The following SAMD5 variants were observed in gnomAD, a reference collection of about 807,000 sequenced individuals.
The protein encoded by SAMD5 is sterile alpha motif domain-containing protein 5.
Under a neutral mutation model 11.3 loss-of-function variants are expected in SAMD5, and 13 were observed. The observed-to-expected ratio is 1.15, with a 90% CI of 0.75 to 1.83. SAMD5 has a LOEUF of 1.83. Ranked by LOEUF, SAMD5 falls within the 40% of genes most tolerant of loss-of-function variation. The pLI is 0.00. For missense variants in SAMD5, 255 were observed against 239.1 expected, an observed-to-expected ratio of 1.07 and a Z score of -0.44; for synonymous variants, 129 against 111.3, an observed-to-expected ratio of 1.16 and a Z score of -1.00.
chr6:147,722,093 G>A (rs1245382967), intron 1 of SAMD5, among the ~76,000 whole-genome samples: 1 of 152,104 alleles, frequency 6.6e-6, no homozygotes, highest in African/African-American at 2.4e-5. Flanking sequence ...TTACAACATT[G>A]TGTCTTGGGA....
At position 147,564,699 on chromosome 6, in the gene SAMD5, G is replaced by A. The variant is rs1789009073; in HGVS notation, c.*243G>A. ...AGAAGTATTGAGTTCATTTTTTTAA[G>A]AAGATATCATGATGAGATACAGTCT... On this transcript the variant is annotated 3_prime_UTR_variant, in exon 2 of 2. Coordinates refer to ENST00000367474, the MANE Select transcript of SAMD5 (RefSeq NM_001030060.3). 1.6e-6 allele frequency: 2 copies of A among 1,219,106 alleles called. No individual in the cohort carries two copies. Among genetic ancestry groups the A allele is most frequent in the South Asian group, 4.4e-5 (2 of 45,838 alleles). 75.5% of individuals were successfully genotyped at this position (1,219,106 alleles called of 1,614,324 possible).
chr6:147,733,643 T>C (rs1476181225), intron 1 of SAMD5: 9 of 183,264 alleles, frequency 4.9e-5, no homozygotes, highest in Non-Finnish European at 9.3e-5. Context: ...ATAACCATTA[T>C]AATTACTTTA....
chr6:147,877,885 A>ACACACACACACAC, the SAMD5 span, among the ~76,000 whole-genome samples: 1 of 44,358 alleles, frequency 2.3e-5, no homozygotes, highest in African/African-American at 6.1e-5. Flanking sequence ...CACACACGAT[A>ACACACACACACAC]GATAGATAGC....
At chr6:147,774,717 AT>A in the SAMD5 span, among the ~76,000 whole-genome samples, 1 of 151,830 alleles carries the variant, frequency 6.6e-6, no homozygotes, top group East Asian at 1.9e-4. Context: ...TTATATTGTT[AT>A]TTTTTATAGA....
chr6:147,545,863 C>A (rs147699989), intron 1 of SAMD5, among the ~76,000 whole-genome samples: 459 of 152,152 alleles, frequency 3.0e-3, no homozygotes, highest in Non-Finnish European at 5.1e-3. Context: ...ATAGGAATTT[C>A]TTGTAACATT....
chr6:147,642,560 G>A (rs999540456), intron 1 of SAMD5, among the ~76,000 whole-genome samples: 1 of 152,164 alleles, frequency 6.6e-6, no homozygotes, highest in African/African-American at 2.4e-5. Context: ...CTGCGAGTTC[G>A]TCATCTCTGG....
Position 147,567,140 on chromosome 6 carries a change from A to C in SAMD5, c.*2684A>C. On this transcript the variant is annotated 3_prime_UTR_variant, in exon 2 of 2. Transcript: ENST00000367474. ...AGTTCATCTTAAAATTTAGGGAGGT[A>C]AAAAAAGATTTTATTCACATAAAAG... The C allele has an allele frequency of 1.0e-6, 1 of 983,822 alleles. No homozygotes were observed. The highest frequency in any genetic ancestry group is 1.2e-6 in the Non-Finnish European group (1 of 828,464). 60.9% of individuals were successfully genotyped at this position (983,822 alleles called of 1,614,324 possible).
the SAMD5 span, among the ~76,000 whole-genome samples, chr6:147,761,332 T>C: frequency 1.8e-4 from 28 of 152,186 alleles, no homozygotes; most frequent in Non-Finnish European, 2.9e-5. Flanking sequence ...TGAATGGTAA[T>C]TGTCATTATT....
chr6:147,756,027 G>A, the SAMD5 span, among the ~76,000 whole-genome samples: 1 of 152,020 alleles, frequency 6.6e-6, no homozygotes, highest in Non-Finnish European at 1.5e-5. Context: ...ATTCTCAAAG[G>A]AGGATAATGC....
rs189216907 is a variant in SAMD5 at position 147,639,728 on chromosome 6, G to A, written c.163-97589G>A. 6.7e-4 allele frequency among the ~76,000 whole-genome samples: 102 copies of A among 152,312 alleles called. 1 individual carries two copies. The highest frequency in any genetic ancestry group is 2.2e-3 in the African/African-American group (93 of 41,568). On this transcript the variant is annotated intron_variant, in intron 1 of 1. Coordinates refer to the SAMD5 transcript ENST00000566741. Reference sequence around the variant, plus strand: ...GTGTTTCCTCTGCATCTTTCTTTGGGAGAATTTTTCATGTAAATCATGAGA... The same window carrying A: ...GTGTTTCCTCTGCATCTTTCTTTGGAAGAATTTTTCATGTAAATCATGAGA...
At chr6:147,720,458 G>A (rs1298658691) in intron 1 of SAMD5, among the ~76,000 whole-genome samples, 1 of 112,178 alleles carries the variant, frequency 8.9e-6, no homozygotes, top group African/African-American at 3.2e-5. Flanking sequence ...GCGAGACTCT[G>A]TCTCAAAAAA....
rs1176839512 is a variant in SAMD5, at chr6:147,531,959, T to G, written c.459+22572T>G. ...TGGAGAAGATAAACATACTGAAAAA[T>G]TTTGTAGAAATTCATTGGAGTAATC... On this transcript the variant is annotated intron_variant, in intron 1 of 1. Coordinates refer to ENST00000367474, the MANE Select transcript of SAMD5 (RefSeq NM_001030060.3). 2.0e-5 allele frequency among the ~76,000 whole-genome samples: 3 copies of G among 151,934 alleles called. No individual in the cohort carries two copies. The East Asian group carries it at 5.8e-4, about 29-fold the overall frequency.
chr6:147,895,819 C>T, the SAMD5 span, among the ~76,000 whole-genome samples: 1 of 152,150 alleles, frequency 6.6e-6, no homozygotes, highest in Non-Finnish European at 1.5e-5. Flanking sequence ...GTGGGTAAAG[C>T]CTTCCCCTGT....
At chr6:147,938,142 G>A in the SAMD5 span, among the ~76,000 whole-genome samples, 49 of 152,332 alleles carry the variant, frequency 3.2e-4, no homozygotes, top group African/African-American at 1.1e-3. Context: ...CTATATCAGA[G>A]AGTATGTAAT....
At chr6:147,878,631 C>G in the SAMD5 span, among the ~76,000 whole-genome samples, 1 of 143,632 alleles carries the variant, frequency 7.0e-6, no homozygotes, top group African/African-American at 2.6e-5. Flanking sequence ...GTATATATAT[C>G]TATATATTTA....
At chr6:147,613,817 G>C (rs1188478580) in intron 1 of SAMD5, among the ~76,000 whole-genome samples, 1 of 151,864 alleles carries the variant, frequency 6.6e-6, no homozygotes, top group Non-Finnish European at 1.5e-5. Flanking sequence ...TGGTGAGAAT[G>C]CATCTGGGCC....
At chr6:147,839,325 G>T in the SAMD5 span, among the ~76,000 whole-genome samples, 2 of 152,334 alleles carry the variant, frequency 1.3e-5, no homozygotes, top group East Asian at 3.9e-4. Flanking sequence ...TTACTGTTTA[G>T]ATCAGAGTTT....
chr6:147,609,172 C>T (rs1350002472), intron 1 of SAMD5, among the ~76,000 whole-genome samples: 1 of 152,090 alleles, frequency 6.6e-6, no homozygotes, highest in African/African-American at 2.4e-5. Context: ...AAGACAGGAC[C>T]TTAATGAGAT....
chr6:147,842,675 G>A, the SAMD5 span, among the ~76,000 whole-genome samples: 1 of 152,064 alleles, frequency 6.6e-6, no homozygotes, highest in Non-Finnish European at 1.5e-5. Flanking sequence ...AATTTATTTG[G>A]ATTGTAAATG....
Sources: gnomAD v4.1 joint callset for allele counts (sites outside exome capture counted in the v4.1 genomes callset) on GRCh38, gnomAD v4.1.1 for gene constraint, MANE v1.5 for transcripts, NCBI Gene and HGNC (gene_info 2026-07-23, HGNC 2026-07-21) for gene names.